CLCNKA: variants seen among roughly 807,000 people sequenced by gnomAD.
CLCNKA encodes the protein chloride voltage-gated channel Ka, also known as chloride channel protein ClC-Ka.
A neutral mutation model predicts 83.3 loss-of-function variants in CLCNKA; 66 were observed. The observed-to-expected ratio is 0.79, with a 90% CI of 0.65 to 0.97. The LOEUF (loss-of-function observed/expected upper bound fraction) is 0.97. Ranked by LOEUF, CLCNKA falls within the 50% of genes least tolerant of loss-of-function variation. CLCNKA has a pLI of 0.00. For missense variants in CLCNKA, 806 were observed against 888.7 expected (o/e 0.91, Z 1.18); for synonymous variants, 357 against 370.4 (o/e 0.96, Z 0.42).
At chr1:16,031,185 C>T (rs1321905562) in intron 15 of CLCNKA, among the ~76,000 whole-genome samples, 1 of 152,188 alleles carries the variant, frequency 6.6e-6, no homozygotes, top group African/African-American at 2.4e-5. Flanking sequence ...GAATCGGAGG[C>T]CCCGCTCCAA....
rs72892903 is a variant in CLCNKA, at chr1:16,022,289, G to A, written c.-8+226G>A. 6.6e-3 allele frequency among the ~76,000 whole-genome samples: 1,004 copies of A among 152,208 alleles called. 20 individuals are homozygous for A. Among genetic ancestry groups the A allele is most frequent in the African/African-American group, 0.023 (952 of 41,504 alleles). On this transcript the variant is annotated intron_variant, in intron 1 of 19. Coordinates refer to ENST00000331433, the MANE Select transcript of CLCNKA (RefSeq NM_004070.4). ...ATCCATGGGACTCTGCAGTGAGAGA[G>A]TCACAGCCCTGGGCAGAGACTGCTC... is the stretch of plus-strand genomic sequence containing the variant.
In CLCNKA at chr1:16,029,223, C is replaced by G. The variant is rs747923734; in HGVS notation, c.1151C>G (p.Pro384Arg). The change falls in exon 12 of 20, where the codon CCC (proline) becomes CGC (arginine). Residue 384 changes from proline (P) to arginine (R), a missense_variant. Physicochemically the swap from Pro to Arg is moderately radical, Grantham distance 103. Coordinates refer to ENST00000331433, the MANE Select transcript of CLCNKA (RefSeq NM_004070.4). ...SSPPWPEELD[P>R]QHLWWEWYHP... is the part of the protein sequence containing the mutation. Reference sequence around the variant, plus strand: ...CCACCCTGGCCCGAGGAGCTCGACCCCCAGCACCTTTGGTGGGAATGGTAC... The same window carrying G: ...CCACCCTGGCCCGAGGAGCTCGACCGCCAGCACCTTTGGTGGGAATGGTAC... 1.2e-6 allele frequency: 2 copies of G among 1,613,794 alleles called. No homozygotes were observed. The highest frequency in any genetic ancestry group is 1.7e-6 in the Non-Finnish European group (2 of 1,179,922).
intron 19 of CLCNKA, 151 bp downstream of exon 19, chr1:16,033,407 C>T: frequency 9.3e-7 from 1 of 1,080,210 alleles, no homozygotes; most frequent in Non-Finnish European, 1.4e-6. Flanking sequence ...CCCAGATTGG[C>T]CACTGGGCCT....
intron 4 of CLCNKA, 133 bp from the exon 5 acceptor site, chr1:16,025,975 C>T (rs1004568458): frequency 3.2e-5 from 38 of 1,187,016 alleles, no homozygotes; most frequent in Middle Eastern, 2.8e-4. Context: ...AGGCTGGTCT[C>T]GAACTCCTGA....
rs748761404 is a variant in CLCNKA, at chr1:16,031,836, G to C, written c.1749G>C (p.Glu583Asp). The C allele has an allele frequency of 6.2e-7, 1 of 1,613,844 alleles. No homozygotes were observed. Among genetic ancestry groups the C allele is most frequent in the Admixed American group, 1.7e-5 (1 of 60,022 alleles). ...ACGTGACCGAGTATCCCCTGGTGGA[G>C]AGCACAGGTGCCCAGCTGGAAGGGA... ...STDVTEYPLV[E>D]STESQILVGI... Residue 583 changes from glutamate to aspartate, a missense_variant, in exon 16 of 20, where the codon GAG (glutamate) becomes GAC (aspartate). By Grantham distance (45) the Glu-to-Asp change is conservative. Coordinates refer to ENST00000331433, the MANE Select transcript of CLCNKA (RefSeq NM_004070.4).
At chr1:16,025,017 C>T in intron 4 of CLCNKA, 126 bp downstream of exon 4, 1 of 1,276,302 alleles carries the variant, frequency 7.8e-7, no homozygotes. Context: ...ATGTGGCTTG[C>T]CTGAAGGCAC....
chr1:16,022,578 C>T (rs1170448998), intron 1 of CLCNKA, 35 bp from the exon 2 acceptor site: 9 of 1,486,628 alleles, frequency 6.1e-6, no homozygotes, highest in Non-Finnish European at 8.2e-6. Flanking sequence ...CGTGCAGCAG[C>T]TCACCCGGGT....
intron 2 of CLCNKA, 26 bp from the exon 3 acceptor site, chr1:16,023,774 G>A: frequency 6.2e-7 from 1 of 1,613,580 alleles, no homozygotes; most frequent in South Asian, 1.1e-5. Flanking sequence ...CCCAACATAA[G>A]CTGGGACTCC....
Position 16,026,594 on chromosome 1 carries a change from C to T in CLCNKA, c.557C>T (p.Thr186Met). Residue 186 changes from threonine (T) to methionine (M), a missense_variant, in exon 6 of 20, where the codon ACG becomes ATG. Thr to Met is a moderately conservative substitution (Grantham distance 81). Coordinates refer to ENST00000331433, the MANE Select transcript of CLCNKA (RefSeq NM_004070.4). ...GCCTACCTGGGCCGTGTGCGCACCACGACCATCGGGGAGCCTGAGGTTAGG... is the reference window on the plus strand; with the variant it reads ...GCCTACCTGGGCCGTGTGCGCACCATGACCATCGGGGAGCCTGAGGTTAGG... ...IAAYLGRVRT[T>M]TIGEPENKSK... The T allele has an allele frequency of 1.2e-6, 2 of 1,614,062 alleles. No individual in the cohort carries two copies. The highest frequency in any genetic ancestry group is 4.5e-5 in the East Asian group (2 of 44,876).
At position 16,029,945 on chromosome 1, in the gene CLCNKA, C is replaced by T. The variant is rs199600392; in HGVS notation, c.1298-20C>T. On this transcript the variant is annotated intron_variant, in intron 13 of 19. Coordinates refer to ENST00000331433, the MANE Select transcript of CLCNKA (RefSeq NM_004070.4). Reference sequence around the variant, plus strand: ...GGGCCGGGTCAGCCTGGCTCCCCCTCACCCTAAGTCTGTGGCCAGGAGCTG... The same window carrying T: ...GGGCCGGGTCAGCCTGGCTCCCCCTTACCCTAAGTCTGTGGCCAGGAGCTG... 6.5e-5 allele frequency: 104 copies of T among 1,603,806 alleles called. No individual in the cohort carries two copies. The highest frequency in any genetic ancestry group is 5.0e-4 in the Middle Eastern group (3 of 6,056).
chr1:16,032,328 G>T (rs1267097863), intron 17 of CLCNKA, 37 bp downstream of exon 17: 4 of 1,429,174 alleles, frequency 2.8e-6, no homozygotes, highest in African/African-American at 1.4e-5. Context: ...TGGGGCGGGG[G>T]TGGGTCAGCA....
At chr1:16,032,568 C>A in intron 18 of CLCNKA, 42 bp downstream of exon 18, 1 of 1,473,076 alleles carries the variant, frequency 6.8e-7, no homozygotes, top group Non-Finnish European at 9.5e-7. Flanking sequence ...GCCCCCGGGG[C>A]AGGGCAAGAG....
chr1:16,029,692 C>T lies in CLCNKA; in HGVS notation c.1228-39C>T, dbSNP rs1972359. 147,860 of 1,610,458 alleles carry T rather than the reference C, an allele frequency of 0.092. 7,494 individuals carry two copies. The highest frequency in any genetic ancestry group is 0.1 in the Non-Finnish European group (119,228 of 1,176,782). ...CTTCTCTTGTCCACACCTTGCCCAG[C>T]GGCCTCTAACCTCTGCCCTGGGCTC... On this transcript the variant is annotated intron_variant, in intron 12 of 19. Coordinates refer to ENST00000331433, the MANE Select transcript of CLCNKA (RefSeq NM_004070.4).
At chr1:16,029,077 G>A in intron 11 of CLCNKA, 49 bp from the exon 12 acceptor site, 2 of 1,593,696 alleles carry the variant, frequency 1.3e-6, no homozygotes, top group Non-Finnish European at 1.7e-6. Flanking sequence ...GCTGGGGTCT[G>A]CCGCTGGGGG....
chr1:16,026,258 G>C lies in CLCNKA; in HGVS notation c.498+11G>C, dbSNP rs530900969. On this transcript the variant is annotated intron_variant, in intron 5 of 19. Transcript: ENST00000331433. Reference sequence around the variant, plus strand: ...TTCCTGGGCAAAGTGGTATGGTCAGGTGTGAGGGCACCCCAGCCACCCCGC... The same window carrying C: ...TTCCTGGGCAAAGTGGTATGGTCAGCTGTGAGGGCACCCCAGCCACCCCGC... The C allele has an allele frequency of 7.7e-5, 124 of 1,613,532 alleles. 1 individual carries two copies. The South Asian group carries it at 1.2e-3, about 16-fold the overall frequency.
Position 16,028,770 on chromosome 1 carries a change from G to GT in CLCNKA, c.979dup (p.Tyr327LeufsTer124). On this transcript the variant is annotated frameshift_variant, in exon 11 of 20. Coordinates refer to ENST00000331433, the MANE Select transcript of CLCNKA (RefSeq NM_004070.4). LOFTEE classifies it high-confidence loss of function. ...CACCCACCCCCCACAGCAAGCCTGT[G>GT]TACTCCGCTCTGGCCACCTTGCTTC... 1 of 1,614,130 alleles carries GT rather than the reference G, an allele frequency of 6.2e-7. No homozygotes were observed. Among genetic ancestry groups the GT allele is most frequent in the Non-Finnish European group, 8.5e-7 (1 of 1,180,022 alleles).
chr1:16,026,625 G>T lies in CLCNKA; in HGVS notation c.576+12G>T. 1 of 1,613,978 alleles carries T rather than the reference G, an allele frequency of 6.2e-7. No homozygotes were observed. The highest frequency in any genetic ancestry group is 8.5e-7 in the Non-Finnish European group (1 of 1,180,006). On this transcript the variant is annotated intron_variant, in intron 6 of 19. Coordinates refer to ENST00000331433, the MANE Select transcript of CLCNKA (RefSeq NM_004070.4). ...TCGGGGAGCCTGAGGTTAGGGACTCGGGGGCTTCCTTGGAGAAATGGGAGT... is the reference window on the plus strand; with the variant it reads ...TCGGGGAGCCTGAGGTTAGGGACTCTGGGGCTTCCTTGGAGAAATGGGAGT...
chr1:16,024,446 C>T (rs2022266655), intron 3 of CLCNKA, among the ~76,000 whole-genome samples: 1 of 152,188 alleles, frequency 6.6e-6, no homozygotes, highest in South Asian at 2.1e-4. Flanking sequence ...TCTCAGTGGC[C>T]CTTTAGTCTT....
intron 3 of CLCNKA, among the ~76,000 whole-genome samples, chr1:16,024,431 G>A (rs986975033): frequency 3.1e-4 from 47 of 152,246 alleles, no homozygotes; most frequent in Admixed American, 3.1e-3. Flanking sequence ...CCTGTGTCAT[G>A]TAGTTCTCAG....
Sources: gnomAD v4.1 joint callset for allele counts (sites outside exome capture counted in the v4.1 genomes callset) on GRCh38, gnomAD v4.1.1 for gene constraint, MANE v1.5 for transcripts, NCBI Gene and HGNC (gene_info 2026-07-23, HGNC 2026-07-21) for gene names.